The following SGCD variants were observed in gnomAD, a reference collection of about 807,000 sequenced individuals.
SGCD encodes delta-sarcoglycan.
Under a neutral mutation model 36.6 loss-of-function variants are expected in SGCD, and 18 were observed. That is an observed-to-expected ratio of 0.49 (90% CI 0.34 to 0.73). The LOEUF is 0.73. Ranked by LOEUF, SGCD falls within the 30% of genes least tolerant of loss-of-function variation. The probability of loss-of-function intolerance (pLI) is 0.01; values close to 1 mark genes in which losing one functional copy is unlikely to be tolerated. For synonymous variants in SGCD, 133 were observed against 130.6 expected (o/e 1.02, Z -0.12); for missense variants, 387 against 346.7 (o/e 1.12, Z -0.92).
rs73302937 is a variant in SGCD at position 156,015,508 on chromosome 5, T to C, written c.-281-102370T>C. 6.9e-3 allele frequency among the ~76,000 whole-genome samples: 1,047 copies of C among 152,166 alleles called. 10 individuals are homozygous for C. Among genetic ancestry groups the C allele is most frequent in the African/African-American group, 0.024 (976 of 41,520 alleles). On this transcript the variant is annotated intron_variant, in intron 1 of 9. Transcript: ENST00000517913. Reference sequence around the variant, plus strand: ...CTATTTACTGGGGAATAGTATTTACTAGCTAAGTATTAGGTGGCTCATTAT... The same window carrying C: ...CTATTTACTGGGGAATAGTATTTACCAGCTAAGTATTAGGTGGCTCATTAT...
chr5:156,541,549 T>A (rs111527467), intron 4 of SGCD, among the ~76,000 whole-genome samples: 3 of 152,208 alleles, frequency 2.0e-5, no homozygotes, highest in African/African-American at 7.2e-5. Flanking sequence ...AAAGGATGAT[T>A]CTTTTTGGAA....
intron 3 of SGCD, among the ~76,000 whole-genome samples, chr5:156,133,964 TTC>T (rs971114235): frequency 2.3e-5 from 3 of 130,556 alleles, no homozygotes; most frequent in African/African-American, 9.1e-5. Context: ...CACACACAGT[TTC>T]TCTCTGTCTC....
the SGCD span, among the ~76,000 whole-genome samples, chr5:155,829,701 T>A: frequency 6.6e-6 from 1 of 152,196 alleles, no homozygotes; most frequent in Non-Finnish European, 1.5e-5. Flanking sequence ...AAAGTAGCAA[T>A]TTCTTTACGT....
chr5:156,356,611 G>A (rs1376226852), intron 3 of SGCD, among the ~76,000 whole-genome samples: 1 of 152,140 alleles, frequency 6.6e-6, no homozygotes, highest in African/African-American at 2.4e-5. Flanking sequence ...CTTCTTCATG[G>A]GGGAATTGCA....
rs578234511 is a variant in SGCD at position 156,052,903 on chromosome 5, G to T, written c.-281-64975G>T. ...GGGTTTTGCCCAGAGACTCAATTGGGGCAGAGTTAATCACTGCTGGGTTTC... is the reference window on the plus strand; with the variant it reads ...GGGTTTTGCCCAGAGACTCAATTGGTGCAGAGTTAATCACTGCTGGGTTTC... On this transcript the variant is annotated intron_variant, in intron 1 of 9. Coordinates refer to the SGCD transcript ENST00000517913. 1.3e-4 allele frequency among the ~76,000 whole-genome samples: 19 copies of T among 146,100 alleles called. 1 individual carries two copies. The highest frequency in any genetic ancestry group is 4.7e-4 in the African/African-American group (19 of 40,662).
At chr5:155,876,244 C>T (rs1187765386) in intron 1 of SGCD, among the ~76,000 whole-genome samples, 1 of 141,104 alleles carries the variant, frequency 7.1e-6, no homozygotes, top group African/African-American at 2.6e-5. Flanking sequence ...ATTCCCCTTC[C>T]TGTGTCCATG....
intron 4 of SGCD, among the ~76,000 whole-genome samples, chr5:156,540,632 G>T (rs1758314227): frequency 6.6e-6 from 1 of 152,130 alleles, no homozygotes; most frequent in Non-Finnish European, 1.5e-5. Flanking sequence ...AATTTAACAA[G>T]TATGTATTGA....
chr5:155,934,698 G>T (rs1437358562), intron 1 of SGCD, among the ~76,000 whole-genome samples: 5 of 152,114 alleles, frequency 3.3e-5, no homozygotes, highest in African/African-American at 1.2e-4. Flanking sequence ...TCCCTGGTTT[G>T]GAAAACTCCT....
the SGCD span, among the ~76,000 whole-genome samples, chr5:155,771,639 G>C: frequency 6.6e-6 from 1 of 151,980 alleles, no homozygotes; most frequent in Non-Finnish European, 1.5e-5. Context: ...TGGCCAGGCT[G>C]TTCTCGAACT....
chr5:156,233,941 C>T (rs1046408425), intron 3 of SGCD, among the ~76,000 whole-genome samples: 2 of 152,166 alleles, frequency 1.3e-5, no homozygotes, highest in East Asian at 3.9e-4. Flanking sequence ...GTTGTTTTTT[C>T]TCAAAAACTT....
At chr5:156,002,504 AAG>A (rs1468864844) in intron 1 of SGCD, among the ~76,000 whole-genome samples, 1 of 152,188 alleles carries the variant, frequency 6.6e-6, no homozygotes, top group Non-Finnish European at 1.5e-5. Flanking sequence ...ATGCCCATTG[AAG>A]AGAGAGGCAC....
intron 1 of SGCD, among the ~76,000 whole-genome samples, chr5:156,069,547 T>A (rs10476269): frequency 3.8e-4 from 58 of 152,190 alleles, no homozygotes; most frequent in African/African-American, 1.3e-3. Context: ...TAGTTTGAAG[T>A]CAGGTAGCGT....
chr5:155,926,831 C>T (rs150612025), intron 1 of SGCD, among the ~76,000 whole-genome samples: 100 of 152,170 alleles, frequency 6.6e-4, no homozygotes, highest in African/African-American at 2.1e-3. Flanking sequence ...CAAATTAAAA[C>T]GCTAGAAATA....
intron 3 of SGCD, among the ~76,000 whole-genome samples, chr5:156,155,611 A>AG (rs1388444669): frequency 3.3e-5 from 3 of 90,990 alleles, no homozygotes; most frequent in Admixed American, 2.4e-4. Context: ...GTCGTGGGCT[A>AG]GGAAAAAAAA....
the SGCD span, among the ~76,000 whole-genome samples, chr5:155,737,287 A>T: frequency 6.6e-6 from 1 of 152,208 alleles, no homozygotes; most frequent in African/African-American, 2.4e-5. Context: ...CAACTGACAC[A>T]AAAGTTTCAA....
chr5:156,039,566 T>C (rs1435816251), intron 1 of SGCD, among the ~76,000 whole-genome samples: 1 of 152,116 alleles, frequency 6.6e-6, no homozygotes, highest in Non-Finnish European at 1.5e-5. Flanking sequence ...TTGAATAAAA[T>C]AATAAACTGA....
intron 3 of SGCD, among the ~76,000 whole-genome samples, chr5:156,444,575 A>G (rs1753679210): frequency 1.3e-5 from 2 of 152,040 alleles, no homozygotes; most frequent in Admixed American, 6.6e-5. Context: ...GAGCATAAGA[A>G]TCTCTCTGTG....
chr5:155,936,062 T>C (rs2113400030), intron 1 of SGCD, among the ~76,000 whole-genome samples: 1 of 152,258 alleles, frequency 6.6e-6, no homozygotes, highest in African/African-American at 2.4e-5. Context: ...AGCTTGGAGA[T>C]GCCAGGAATC....
chr5:156,509,144 A>G (rs1343550838), intron 4 of SGCD, among the ~76,000 whole-genome samples: 1 of 152,180 alleles, frequency 6.6e-6, no homozygotes, highest in Non-Finnish European at 1.5e-5. Context: ...TTCAATATCA[A>G]GCTGAGTACA....
Sources: gnomAD v4.1 joint callset for allele counts (sites outside exome capture counted in the v4.1 genomes callset) on GRCh38, gnomAD v4.1.1 for gene constraint, MANE v1.5 for transcripts, NCBI Gene and HGNC (gene_info 2026-07-23, HGNC 2026-07-21) for gene names.